Variants in EHBP1 observed in about 807,000 individuals in gnomAD.
EHBP1 encodes EH domain binding protein 1, also known as EH domain-binding protein 1.
In EHBP1, 55 loss-of-function variants were observed where a neutral mutation model predicts 144.0. The observed-to-expected ratio is 0.38, with a 90% CI of 0.31 to 0.48. EHBP1 has a LOEUF of 0.48. Among genes scored for constraint, EHBP1 ranks in the 20% least tolerant of loss-of-function variants. EHBP1 has a pLI of 0.98. For missense variants in EHBP1, 1,200 were observed against 1,364.2 expected (o/e 0.88, Z 1.90); for synonymous variants, 469 against 472.7 (o/e 0.99, Z 0.10).
At chr2:62,674,242 G>A in intron 1 of EHBP1, 2 of 414,998 alleles carry the variant, frequency 4.8e-6, no homozygotes, top group Non-Finnish European at 9.8e-6. Flanking sequence ...CTGCTGAGTT[G>A]TTAATGGTAG....
chr2:62,854,245 G>A (rs1218662009), intron 7 of EHBP1, among the ~76,000 whole-genome samples: 2 of 152,216 alleles, frequency 1.3e-5, no homozygotes, highest in Non-Finnish European at 2.9e-5. Context: ...GTTCTATCCA[G>A]GCCATTAAAG....
intron 10 of EHBP1, among the ~76,000 whole-genome samples, chr2:62,916,788 C>T (rs1377206699): frequency 1.3e-5 from 2 of 148,316 alleles, no homozygotes; most frequent in South Asian, 2.1e-4. Flanking sequence ...TATATATTAT[C>T]TTTTATATAT....
intron 2 of EHBP1, among the ~76,000 whole-genome samples, chr2:62,725,647 G>A (rs759998143): frequency 2.5e-4 from 38 of 152,318 alleles, no homozygotes; most frequent in Admixed American, 2.6e-4. Flanking sequence ...TGTGCCTGCC[G>A]AGGCTCCCAT....
chr2:62,932,041 G>A (rs1199701009), intron 10 of EHBP1, among the ~76,000 whole-genome samples: 5 of 152,022 alleles, frequency 3.3e-5, no homozygotes, highest in Non-Finnish European at 7.4e-5. Flanking sequence ...CCCAGGGATG[G>A]TGATATGCAC....
intron 3 of EHBP1, among the ~76,000 whole-genome samples, chr2:62,750,698 C>A (rs1412678404): frequency 2.0e-5 from 3 of 152,130 alleles, no homozygotes; most frequent in Non-Finnish European, 4.4e-5. Flanking sequence ...AAGTCCTTCA[C>A]ATCCCTTGTA....
At chr2:62,765,593 G>A (rs2041115524) in intron 4 of EHBP1, among the ~76,000 whole-genome samples, 1 of 152,140 alleles carries the variant, frequency 6.6e-6, no homozygotes, top group Admixed American at 6.6e-5. Context: ...GTGGGAAGCT[G>A]CATCTCTTAG....
At position 62,728,758 on chromosome 2, in the gene EHBP1, C is replaced by T. The variant is rs531053546; in HGVS notation, c.105-18637C>T. On this transcript the variant is annotated intron_variant, in intron 2 of 22. Transcript: ENST00000431489. ...ATAAAATGTAGTGTGTCTATTAATA[C>T]ATTAATAATATGTCTATTTTTTATT... Among the ~76,000 whole-genome samples, 4 of 151,914 alleles carry T rather than the reference C, an allele frequency of 2.6e-5. No homozygotes were observed. In the East Asian group the frequency reaches 7.7e-4, roughly 29 times the overall value.
intron 1 of EHBP1, among the ~76,000 whole-genome samples, chr2:62,684,198 A>G (rs1379236177): frequency 6.6e-6 from 1 of 152,172 alleles, no homozygotes. Flanking sequence ...TTAGAACAGC[A>G]AATATAACGC....
At chr2:62,924,929 G>A (rs1207590243) in intron 10 of EHBP1, among the ~76,000 whole-genome samples, 1 of 152,180 alleles carries the variant, frequency 6.6e-6, no homozygotes, top group Non-Finnish European at 1.5e-5. Context: ...TATCCCTGAT[G>A]AACGTGGACA....
chr2:62,870,059 A>C (rs2050339406), intron 9 of EHBP1, among the ~76,000 whole-genome samples: 1 of 152,184 alleles, frequency 6.6e-6, no homozygotes, highest in South Asian at 2.1e-4. Flanking sequence ...ACTTGGGAAA[A>C]ATAGTTATTT....
At chr2:62,934,887 T>G (rs758473641) in intron 10 of EHBP1, among the ~76,000 whole-genome samples, 1 of 152,198 alleles carries the variant, frequency 6.6e-6, no homozygotes, top group Non-Finnish European at 1.5e-5. Flanking sequence ...CCTATATATT[T>G]CCATGGAATT....
In EHBP1 at chr2:62,859,079, G is replaced by T; in HGVS notation, c.635-90G>T. ...ATACTATTATTTGCAGGTATTATTC[G>T]TGTGAACTTTTACCATTTGAAATAT... On this transcript the variant is annotated intron_variant, in intron 7 of 22. Coordinates refer to ENST00000431489, the MANE Select transcript of EHBP1 (RefSeq NM_001142616.3). 2.4e-6 allele frequency: 3 copies of T among 1,243,364 alleles called. No homozygotes were observed. The Middle Eastern group carries it at 5.9e-4, about 246-fold the overall frequency. The allele number at this position is 1,243,364 out of a possible 1,614,324, so 77.0% of individuals were successfully genotyped here. A position where few individuals can be genotyped will look rare whatever the true frequency, so the allele number is the denominator to read the frequency against.
intron 10 of EHBP1, among the ~76,000 whole-genome samples, chr2:62,913,308 A>T (rs2054362753): frequency 6.6e-6 from 1 of 152,192 alleles, no homozygotes. Context: ...GGCCCTTCCC[A>T]CTAGTAGATC....
chr2:62,982,961 A>G (rs79830334), intron 15 of EHBP1, among the ~76,000 whole-genome samples: 1 of 152,310 alleles, frequency 6.6e-6, no homozygotes, highest in Non-Finnish European at 1.5e-5. Flanking sequence ...CCTATATCCT[A>G]TTGCAACCAG....
At chr2:62,763,954 A>T (rs2040966245) in intron 3 of EHBP1, among the ~76,000 whole-genome samples, 1 of 152,084 alleles carries the variant, frequency 6.6e-6, no homozygotes, top group Admixed American at 6.6e-5. Flanking sequence ...TAGCTTTTGA[A>T]AACATGAGAC....
At chr2:62,802,222 G>T (rs1028312111) in intron 5 of EHBP1, among the ~76,000 whole-genome samples, 2 of 152,250 alleles carry the variant, frequency 1.3e-5, no homozygotes, top group Non-Finnish European at 2.9e-5. Context: ...GGTGGGTAGA[G>T]TGTGGAACAT....
chr2:62,750,039 T>G (rs1191473805), intron 3 of EHBP1, among the ~76,000 whole-genome samples: 1 of 152,234 alleles, frequency 6.6e-6, no homozygotes, highest in African/African-American at 2.4e-5. Flanking sequence ...TTTGGTGTTT[T>G]AGACATGAAG....
chr2:62,847,686 A>G (rs949033688), intron 7 of EHBP1, among the ~76,000 whole-genome samples: 3 of 152,216 alleles, frequency 2.0e-5, no homozygotes, highest in African/African-American at 7.2e-5. Context: ...AAAGAAGACC[A>G]TTAAGAAAAT....
chr2:62,971,908 C>A (rs1486484438), intron 14 of EHBP1, among the ~76,000 whole-genome samples: 17 of 152,248 alleles, frequency 1.1e-4, no homozygotes, highest in East Asian at 1.9e-4. Context: ...CAGTCTAACT[C>A]TAAATAATAC....
Sources: allele counts gnomAD v4.1 joint callset (sites outside exome capture counted in the v4.1 genomes callset), GRCh38; gene constraint gnomAD v4.1.1; transcripts MANE v1.5; gene names NCBI Gene and HGNC (gene_info 2026-07-23, HGNC 2026-07-21).